RCAN2: variants seen among roughly 807,000 people sequenced by gnomAD.
RCAN2 encodes calcipressin-2.
RCAN2 carries 9 observed loss-of-function variants against 23.6 expected under a neutral mutation model. The observed-to-expected ratio is 0.38, with a 90% CI of 0.23 to 0.67. RCAN2 has a LOEUF of 0.67. RCAN2 is among the 30% of genes least tolerant of loss of function. The pLI, the probability that RCAN2 is intolerant of heterozygous loss-of-function variation, is 0.51. For synonymous variants in RCAN2, 109 were observed against 115.7 expected (o/e 0.94, Z 0.37); for missense variants, 273 against 302.3 (o/e 0.90, Z 0.72).
chr6:46,449,803 A>G (rs1767822474), intron 2 of RCAN2, among the ~76,000 whole-genome samples: 1 of 151,990 alleles, frequency 6.6e-6, no homozygotes, highest in Non-Finnish European at 1.5e-5. Context: ...ACTTTAGCTT[A>G]TGACATATAC....
chr6:46,433,809 ATTAG>A (rs1767285583), intron 2 of RCAN2, among the ~76,000 whole-genome samples: 1 of 152,240 alleles, frequency 6.6e-6, no homozygotes, highest in African/African-American at 2.4e-5. Flanking sequence ...TTTAATTTAA[ATTAG>A]TTAAATAGGA....
chr6:46,280,304 AT>A (rs903811898), intron 2 of RCAN2, among the ~76,000 whole-genome samples: 6 of 152,100 alleles, frequency 3.9e-5, no homozygotes, highest in Admixed American at 2.0e-4. Flanking sequence ...TCCTGAAAAT[AT>A]TTTTTTTAAA....
At chr6:46,255,276 A>G (rs949802973) in intron 2 of RCAN2, among the ~76,000 whole-genome samples, 1 of 151,860 alleles carries the variant, frequency 6.6e-6, no homozygotes, top group African/African-American at 2.4e-5. Context: ...GTGTGTGTTG[A>G]GGGATAGGAG....
At chr6:46,335,098 A>G (rs955508107) in intron 2 of RCAN2, among the ~76,000 whole-genome samples, 1 of 152,222 alleles carries the variant, frequency 6.6e-6, no homozygotes, top group Non-Finnish European at 1.5e-5. Flanking sequence ...CTGGCTGGTC[A>G]GACTTCTCAT....
chr6:46,435,574 C>T (rs1302271811), intron 2 of RCAN2, among the ~76,000 whole-genome samples: 2 of 152,206 alleles, frequency 1.3e-5, no homozygotes, highest in African/African-American at 4.8e-5. Context: ...AACGAATACT[C>T]AAAATTTGCC....
intron 4 of RCAN2, among the ~76,000 whole-genome samples, chr6:46,228,702 A>C (rs1462172022): frequency 6.6e-6 from 1 of 152,156 alleles, no homozygotes; most frequent in African/African-American, 2.4e-5. Flanking sequence ...TGAATACAGC[A>C]CACTGATGGG....
intron 1 of RCAN2, among the ~76,000 whole-genome samples, chr6:46,463,765 C>CAAGAAT (rs1266275356): frequency 6.6e-6 from 1 of 151,832 alleles, no homozygotes; most frequent in East Asian, 1.9e-4. Flanking sequence ...AACTAAAAAG[C>CAAGAAT]AAGAATTTTT....
chr6:46,343,533 G>A (rs569205804), intron 2 of RCAN2, among the ~76,000 whole-genome samples: 7 of 151,862 alleles, frequency 4.6e-5, no homozygotes, highest in Admixed American at 3.9e-4. Context: ...CCGTCACCAC[G>A]CCCAGCTAAT....
intron 2 of RCAN2, among the ~76,000 whole-genome samples, chr6:46,288,655 T>C (rs1489172007): frequency 6.6e-6 from 1 of 152,264 alleles, no homozygotes; most frequent in Non-Finnish European, 1.5e-5. Flanking sequence ...AAAATCCTGA[T>C]CCCGTTATTT....
At chr6:46,233,658 T>C (rs112375135) in intron 4 of RCAN2, among the ~76,000 whole-genome samples, 12,106 of 151,930 alleles carry the variant, frequency 0.08, 1,671 homozygotes, top group African/African-American at 0.28. Context: ...TGTAATAAAA[T>C]ACACCTAACA....
chr6:46,479,817 A>G (rs1768808568), intron 1 of RCAN2, among the ~76,000 whole-genome samples: 1 of 151,934 alleles, frequency 6.6e-6, no homozygotes, highest in Non-Finnish European at 1.5e-5. Flanking sequence ...TCCTAACCTC[A>G]TGATCTGCCC....
At chr6:46,378,433 G>A (rs914537801) in intron 2 of RCAN2, among the ~76,000 whole-genome samples, 4 of 152,154 alleles carry the variant, frequency 2.6e-5, no homozygotes, top group Non-Finnish European at 5.9e-5. Flanking sequence ...TACTGTGTGA[G>A]CTTGAGATCT....
At chr6:46,421,467 G>A (rs1167635085) in intron 2 of RCAN2, among the ~76,000 whole-genome samples, 1 of 152,214 alleles carries the variant, frequency 6.6e-6, no homozygotes, top group East Asian at 1.9e-4. Flanking sequence ...AATTTAGGGT[G>A]AAAGATAAAG....
chr6:46,241,541 G>C (rs1001617653), intron 4 of RCAN2, among the ~76,000 whole-genome samples: 1 of 152,220 alleles, frequency 6.6e-6, no homozygotes, highest in African/African-American at 2.4e-5. Context: ...GTTTTAGTGG[G>C]TGCCAAAAAG....
Position 46,361,035 on chromosome 6 carries a change from A to T in RCAN2, c.225+95717T>A, listed in dbSNP as rs570672902. Among the ~76,000 whole-genome samples, 18 of 142,058 alleles carry T rather than the reference A, an allele frequency of 1.3e-4. No individual in the cohort carries two copies. In the East Asian group the frequency reaches 3.7e-3, roughly 29 times the overall value. 93.2% of individuals were successfully genotyped at this position (142,058 alleles called of 152,430 possible). ...TAGTGTTTTATGTCTAAACATCTGG[A>T]TGCTCCTTAAATCACAAAGTGGTTT... On this transcript the variant is annotated intron_variant, in intron 2 of 4. Transcript: ENST00000371374.
Position 46,316,893 on chromosome 6 carries a change from C to T in RCAN2, c.226-67997G>A, listed in dbSNP as rs147226594. Among the ~76,000 whole-genome samples, 1,431 of 152,252 alleles carry T rather than the reference C, an allele frequency of 9.4e-3. 23 individuals are homozygous for T. Among genetic ancestry groups the T allele is most frequent in the African/African-American group, 0.032 (1,348 of 41,544 alleles). ...AGGCTATAATAATACACCAAGAGAT[C>T]TTGTGTTGTGTTGTGAAAGAATCCC... On this transcript the variant is annotated intron_variant, in intron 2 of 4. Coordinates refer to ENST00000371374, the MANE Select transcript of RCAN2 (RefSeq NM_001251974.2).
chr6:46,444,859 G>A (rs1200704857), intron 2 of RCAN2, among the ~76,000 whole-genome samples: 1 of 152,094 alleles, frequency 6.6e-6, no homozygotes, highest in Non-Finnish European at 1.5e-5. Context: ...CAAGACCCAG[G>A]CCTCCCTTCA....
chr6:46,262,342 C>T (rs1219897424), intron 2 of RCAN2, among the ~76,000 whole-genome samples: 1 of 152,158 alleles, frequency 6.6e-6, no homozygotes, highest in African/African-American at 2.4e-5. Context: ...CATCAGCCCC[C>T]TGTTCACCCT....
intron 4 of RCAN2, among the ~76,000 whole-genome samples, chr6:46,228,107 A>G (rs554779261): frequency 6.6e-6 from 1 of 152,328 alleles, no homozygotes; most frequent in East Asian, 1.9e-4. Flanking sequence ...CTTAATCCTG[A>G]ATTCTAGTTT....
Sources: gnomAD v4.1 joint callset for allele counts (sites outside exome capture counted in the v4.1 genomes callset) on GRCh38, gnomAD v4.1.1 for gene constraint, MANE v1.5 for transcripts, NCBI Gene and HGNC (gene_info 2026-07-23, HGNC 2026-07-21) for gene names.